SAMMSON: variants seen among roughly 807,000 people sequenced by gnomAD.
The protein encoded by SAMMSON is survival associated mitochondrial melanoma specific oncogenic non-coding RNA.
intron 6 of SAMMSON, among the ~76,000 whole-genome samples, chr3:70,269,048 A>G (rs1003868386): frequency 2.0e-5 from 3 of 152,158 alleles, no homozygotes; most frequent in Non-Finnish European, 2.9e-5. Context: ...AGGATATATT[A>G]TTGTCCCTTT....
At chr3:70,015,334 C>T (rs553841806) in intron 3 of SAMMSON, 1 of 151,812 alleles carries the variant, frequency 6.6e-6, no homozygotes, top group Non-Finnish European at 1.5e-5. Flanking sequence ...CTTGGGACTT[C>T]CCTCAGCATT....
At chr3:70,070,731 C>T (rs1013033277) in intron 3 of SAMMSON, among the ~76,000 whole-genome samples, 5 of 151,872 alleles carry the variant, frequency 3.3e-5, no homozygotes, top group African/African-American at 1.2e-4. Flanking sequence ...CTTGATTTTT[C>T]TATGTATTTC....
chr3:70,119,286 C>T (rs1465400783), intron 4 of SAMMSON, among the ~76,000 whole-genome samples: 2 of 152,102 alleles, frequency 1.3e-5, no homozygotes, highest in East Asian at 1.9e-4. Flanking sequence ...AGGCTGCTCT[C>T]GAACTCCTGA....
intron 4 of SAMMSON, chr3:70,126,332 T>C: frequency 1.7e-6 from 2 of 1,187,556 alleles, no homozygotes; most frequent in South Asian, 1.3e-5. Flanking sequence ...ATTCAAAGAC[T>C]AAAGTATGAC....
chr3:70,390,864 T>C (rs1701040970), downstream of SAMMSON, among the ~76,000 whole-genome samples: 10 of 152,178 alleles, frequency 6.6e-5, no homozygotes, highest in Admixed American at 6.6e-4. Context: ...GATGTATAAG[T>C]TAAAAAGTGA....
chr3:70,194,893 T>G (rs977771663), intron 4 of SAMMSON, among the ~76,000 whole-genome samples: 1 of 151,734 alleles, frequency 6.6e-6, no homozygotes, highest in African/African-American at 2.4e-5. Context: ...GGTAGAGGGG[T>G]GGGTGCTCAG....
intron 4 of SAMMSON, among the ~76,000 whole-genome samples, chr3:70,185,984 C>T (rs1282408237): frequency 6.6e-6 from 1 of 151,854 alleles, no homozygotes; most frequent in Non-Finnish European, 1.5e-5. Context: ...CTCAAAAAAA[C>T]CCAGAAAACA....
intron 7 of SAMMSON, among the ~76,000 whole-genome samples, chr3:70,297,520 A>C (rs188749179): frequency 7.9e-5 from 12 of 152,262 alleles, no homozygotes; most frequent in Non-Finnish European, 1.5e-4. Context: ...TTAGACAGAA[A>C]TATGAAGGCT....
chr3:70,157,333 G>A (rs986746770), intron 4 of SAMMSON, among the ~76,000 whole-genome samples: 1 of 152,202 alleles, frequency 6.6e-6, no homozygotes, highest in South Asian at 2.1e-4. Flanking sequence ...CGAGGCAAGC[G>A]TAGCATGATT....
intron 7 of SAMMSON, among the ~76,000 whole-genome samples, chr3:70,319,702 T>C (rs1411226075): frequency 6.6e-6 from 1 of 152,088 alleles, no homozygotes; most frequent in African/African-American, 2.4e-5. Context: ...ATAAATCATA[T>C]GATAGGTAAG....
chr3:70,358,119 G>A (rs1180664215), intron 8 of SAMMSON: 1 of 152,120 alleles, frequency 6.6e-6, no homozygotes. Flanking sequence ...AAAAAATAAA[G>A]TATATTGACT....
At chr3:70,234,508 G>A (rs1701589718) in intron 4 of SAMMSON, among the ~76,000 whole-genome samples, 1 of 151,980 alleles carries the variant, frequency 6.6e-6, no homozygotes, top group African/African-American at 2.4e-5. Context: ...AATCAGCCAG[G>A]CATGGTGGCA....
At chr3:70,026,655 G>C (rs1312090317) in intron 3 of SAMMSON, among the ~76,000 whole-genome samples, 2 of 152,178 alleles carry the variant, frequency 1.3e-5, no homozygotes, top group Admixed American at 6.5e-5. Flanking sequence ...TAGCCCGAGA[G>C]ATGCTGATGG....
intron 2 of SAMMSON, among the ~76,000 whole-genome samples, chr3:70,414,461 CAAAGGT>C: frequency 6.6e-6 from 1 of 152,194 alleles, no homozygotes; most frequent in Admixed American, 6.5e-5. Context: ...GCATCCCCTG[CAAAGGT>C]GGCTATACCT....
chr3:70,208,435 G>T (rs546504770), intron 4 of SAMMSON, among the ~76,000 whole-genome samples: 7 of 152,178 alleles, frequency 4.6e-5, no homozygotes, highest in Admixed American at 1.3e-4. Flanking sequence ...AGTGGGTTCT[G>T]CTTTCTAAGG....
At chr3:70,430,793 A>C (rs1211774095) in intron 2 of SAMMSON, among the ~76,000 whole-genome samples, 3 of 152,170 alleles carry the variant, frequency 2.0e-5, no homozygotes, top group Admixed American at 2.0e-4. Context: ...TGGTTGATGT[A>C]TACTATAGGA....
chr3:70,313,309 A>C (rs1702471175), intron 7 of SAMMSON, among the ~76,000 whole-genome samples: 1 of 152,096 alleles, frequency 6.6e-6, no homozygotes, highest in East Asian at 1.9e-4. Flanking sequence ...TTCTACAAAA[A>C]TTTAAATTTT....
intron 4 of SAMMSON, among the ~76,000 whole-genome samples, chr3:70,113,797 C>CG (rs2067399170): frequency 6.6e-6 from 1 of 152,042 alleles, no homozygotes; most frequent in Admixed American, 6.6e-5. Flanking sequence ...TGAGGTCTTG[C>CG]GGGTGGGACC....
At chr3:70,095,768 G>A (rs183582360) in intron 4 of SAMMSON, among the ~76,000 whole-genome samples, 145 of 152,230 alleles carry the variant, frequency 9.5e-4, no homozygotes, top group African/African-American at 3.3e-3. Flanking sequence ...TGCTATCTAA[G>A]TGTTAACTAT....
Sources: gnomAD v4.1 joint callset for allele counts (sites outside exome capture counted in the v4.1 genomes callset) on GRCh38, gnomAD v4.1.1 for gene constraint, MANE v1.5 for transcripts, NCBI Gene and HGNC (gene_info 2026-07-23, HGNC 2026-07-21) for gene names.